The following CEP41 variants were observed in gnomAD, a reference collection of about 807,000 sequenced individuals.
CEP41 encodes centrosomal protein 41.
In CEP41, 32 loss-of-function variants were observed where a neutral mutation model predicts 44.3. The observed-to-expected ratio is 0.72, with a 90% CI of 0.54 to 0.97. CEP41 has a LOEUF of 0.97. Among genes scored for constraint, CEP41 ranks in the 50% least tolerant of loss-of-function variants. The pLI is 0.00. For synonymous variants in CEP41, 151 were observed against 168.5 expected (o/e 0.90, Z 0.80); for missense variants, 432 against 455.2 (o/e 0.95, Z 0.46).
chr7:130,410,279 G>T (rs543489685), intron 5 of CEP41, among the ~76,000 whole-genome samples: 9 of 151,956 alleles, frequency 5.9e-5, no homozygotes, highest in African/African-American at 2.2e-4. Context: ...TGCCCGCCTT[G>T]GCCTCCCAAA....
At chr7:130,433,469 G>C (rs759223713) in intron 1 of CEP41, among the ~76,000 whole-genome samples, 3 of 152,134 alleles carry the variant, frequency 2.0e-5, no homozygotes, top group Admixed American at 6.5e-5. Flanking sequence ...ATCTATTTAA[G>C]ATAAAGATAT....
In CEP41 at chr7:130,395,441, G is replaced by A. The variant is rs1203058555; in HGVS notation, c.*3450C>T. 9 of 453,926 alleles carry A rather than the reference G, an allele frequency of 2.0e-5. No homozygotes were observed. The highest frequency in any genetic ancestry group is 1.2e-4 in the African/African-American group (6 of 49,988). 28.1% of individuals were successfully genotyped at this position (453,926 alleles called of 1,614,324 possible). The stretch of plus-strand genomic sequence containing the variant: ...AACACACATTAAAGACACTGAGAAC[G>A]TTTTAGAACTGGAGAAAGAAAGGTT... On this transcript the variant is annotated 3_prime_UTR_variant, in exon 11 of 11. Transcript: ENST00000223208.
chr7:130,436,643 AT>A (rs71527964), intron 1 of CEP41, among the ~76,000 whole-genome samples: 22,208 of 114,390 alleles, frequency 0.19, 1,663 homozygotes, highest in African/African-American at 0.24. Context: ...TCTTTGTACT[AT>A]TTTTTTTTTT....
chr7:130,429,889 A>C (rs1304639023), intron 1 of CEP41, among the ~76,000 whole-genome samples: 2 of 152,240 alleles, frequency 1.3e-5, no homozygotes, highest in African/African-American at 4.8e-5. Flanking sequence ...GACCTAGTGC[A>C]TGGTAAGTAC....
intron 6 of CEP41, among the ~76,000 whole-genome samples, chr7:130,404,169 AGCACTATGTGTG>A (rs1306538275): frequency 6.6e-6 from 1 of 152,230 alleles, no homozygotes; most frequent in Non-Finnish European, 1.5e-5. Flanking sequence ...TCAGTATCAG[AGCACTATGTGTG>A]GCACTGTCAC....
At chr7:130,414,134 C>T (rs771738118) in intron 3 of CEP41, among the ~76,000 whole-genome samples, 1 of 152,136 alleles carries the variant, frequency 6.6e-6, no homozygotes, top group Non-Finnish European at 1.5e-5. Context: ...GTAAATATAT[C>T]AAGGCTTTTT....
At position 130,396,088 on chromosome 7, in the gene CEP41, C is replaced by A. The variant is rs1796649034; in HGVS notation, c.*2803G>T. The A allele has an allele frequency of 2.2e-6, 1 of 453,842 alleles. No homozygotes were observed. Among genetic ancestry groups the A allele is most frequent in the Non-Finnish European group, 4.4e-6 (1 of 226,776 alleles). The allele number at this position is 453,842 out of a possible 1,614,324, so 28.1% of individuals were successfully genotyped here. A position where few individuals can be genotyped will look rare whatever the true frequency, so the allele number is the denominator to read the frequency against. Reference sequence around the variant, plus strand: ...TCTTCCCATTTCCTTGCTTCTTTCTCCCTTCCTTTCTTTTTTTCTTTTCTC... The same window carrying A: ...TCTTCCCATTTCCTTGCTTCTTTCTACCTTCCTTTCTTTTTTTCTTTTCTC... On this transcript the variant is annotated 3_prime_UTR_variant, in exon 11 of 11. Transcript: ENST00000223208.
intron 1 of CEP41, among the ~76,000 whole-genome samples, chr7:130,437,596 C>CA (rs1798005139): frequency 1.4e-5 from 1 of 70,162 alleles, no homozygotes; most frequent in Admixed American, 1.3e-4. Context: ...CATAGGGAGA[C>CA]CCCATCTCTA....
intron 2 of CEP41, chr7:130,419,184 CA>C: frequency 1.0e-6 from 1 of 985,404 alleles, no homozygotes. Context: ...TGCAATTATA[CA>C]AATATTTGGT....
chr7:130,427,955 C>A lies in CEP41; in HGVS notation c.97G>T (p.Gly33Cys). 6.3e-7 allele frequency: 1 copy of A among 1,595,146 alleles called. No individual in the cohort carries two copies. Among genetic ancestry groups the A allele is most frequent in the Non-Finnish European group, 8.6e-7 (1 of 1,163,138 alleles). Residue 33 changes from glycine to cysteine, a missense_variant and splice_region_variant, in exon 2 of 11, where the codon GGT (glycine) becomes TGT (cysteine). Physicochemically the swap from Gly to Cys is radical, Grantham distance 159. Transcript: ENST00000223208. ...YQHIKSRLDTGNSMTKYTEKL... is the reference protein window; with the variant it reads ...YQHIKSRLDTCNSMTKYTEKL... The stretch of plus-strand genomic sequence containing the variant: ...TTCTAATTTTCTAATCTTTACTCAC[C>A]AGTGTCCAGTCTTGATTTGATATGC...
intron 5 of CEP41, among the ~76,000 whole-genome samples, chr7:130,405,223 T>C (rs141344983): frequency 3.3e-5 from 5 of 152,342 alleles, no homozygotes; most frequent in African/African-American, 1.2e-4. Flanking sequence ...TCACGTTTGC[T>C]ACATACCAAA....
At chr7:130,418,937 A>G (rs2117635401) in intron 2 of CEP41, 1 of 239,870 alleles carries the variant, frequency 4.2e-6, no homozygotes, top group Non-Finnish European at 6.7e-6. Context: ...CTGCATTTCC[A>G]AACCACAACC....
intron 2 of CEP41, chr7:130,417,479 C>T: frequency 1.7e-5 from 6 of 350,766 alleles, no homozygotes; most frequent in African/African-American, 2.2e-5. Context: ...GCTCACGTTG[C>T]AGTCTGAACT....
chr7:130,401,391 AAAAC>A (rs1333093611), intron 8 of CEP41, among the ~76,000 whole-genome samples: 6 of 152,340 alleles, frequency 3.9e-5, no homozygotes, highest in South Asian at 4.1e-4. Context: ...TTGTTAAAAA[AAAAC>A]AAACACACAG....
At chr7:130,433,792 A>G (rs1417340683) in intron 1 of CEP41, among the ~76,000 whole-genome samples, 1 of 152,216 alleles carries the variant, frequency 6.6e-6, no homozygotes, top group East Asian at 1.9e-4. Context: ...TTACTCCTGC[A>G]CTTGGGACAG....
At position 130,401,912 on chromosome 7, in the gene CEP41, A is replaced by G. The variant is rs1230657361; in HGVS notation, c.611T>C (p.Met204Thr). The G allele has an allele frequency of 1.2e-6, 2 of 1,610,294 alleles. No individual in the cohort carries two copies. Among genetic ancestry groups the G allele is most frequent in the African/African-American group, 1.3e-5 (1 of 74,868 alleles). ...AAGAATATCATTTGAATAAGGGTTC[A>G]TTGTTCTAGACAGAGTTGCAATTGG... is the stretch of plus-strand genomic sequence containing the variant. ...SYPIATLSRT[M>T]NPYSNDILEY... The change falls in exon 8 of 11, where the codon ATG becomes ACG. Residue 204 changes from methionine to threonine, a missense_variant. Transcript: ENST00000223208.
intron 5 of CEP41, among the ~76,000 whole-genome samples, chr7:130,407,670 C>G (rs1362561058): frequency 6.6e-6 from 1 of 152,010 alleles, no homozygotes; most frequent in Admixed American, 6.6e-5. Context: ...ATAATCACCT[C>G]GTGTCATATA....
intron 1 of CEP41, among the ~76,000 whole-genome samples, chr7:130,435,231 A>G (rs571793319): frequency 6.6e-6 from 1 of 152,328 alleles, no homozygotes; most frequent in East Asian, 1.9e-4. Context: ...ACATAGTGAT[A>G]TAAGAAAATG....
At chr7:130,402,300 C>T (rs868961672) in intron 7 of CEP41, among the ~76,000 whole-genome samples, 62 of 148,522 alleles carry the variant, frequency 4.2e-4, no homozygotes, top group African/African-American at 1.4e-3. Context: ...GAGCTGTGAT[C>T]GCGCCACTAC....
Sources: gnomAD v4.1 joint callset for allele counts (sites outside exome capture counted in the v4.1 genomes callset) on GRCh38, gnomAD v4.1.1 for gene constraint, MANE v1.5 for transcripts, NCBI Gene and HGNC (gene_info 2026-07-23, HGNC 2026-07-21) for gene names.